Variants in CMSS1 observed in about 807,000 individuals in gnomAD.
CMSS1 encodes the protein protein CMSS1.
Under a neutral mutation model 43.5 loss-of-function variants are expected in CMSS1, and 33 were observed. The ratio of observed to expected loss-of-function variants is 0.76; its 90% confidence interval spans 0.57 to 1.01. The LOEUF is 1.01. CMSS1 is among the 50% of genes least tolerant of loss of function. The pLI, the probability that CMSS1 is intolerant of heterozygous loss-of-function variation, is 0.00. For missense variants in CMSS1, 313 were observed against 326.4 expected (o/e 0.96, Z 0.32); for synonymous variants, 115 against 117.2 (o/e 0.98, Z 0.12).
chr3:99,912,482 A>G (rs372045242), intron 1 of CMSS1, among the ~76,000 whole-genome samples: 6 of 152,128 alleles, frequency 3.9e-5, no homozygotes, highest in African/African-American at 1.4e-4. Flanking sequence ...GACTCAGGTG[A>G]TCCTCCTACC....
intron 1 of CMSS1, among the ~76,000 whole-genome samples, chr3:100,068,350 CTGTGTGTG>C (rs62958661): frequency 9.1e-4 from 136 of 149,504 alleles, no homozygotes; most frequent in African/African-American, 2.5e-3. Flanking sequence ...GAAAGAGCCT[CTGTGTGTG>C]TGTGTGTGTG....
intron 1 of CMSS1, among the ~76,000 whole-genome samples, chr3:100,083,884 C>T (rs939106907): frequency 1.3e-5 from 2 of 152,018 alleles, no homozygotes; most frequent in African/African-American, 4.8e-5. Context: ...TGATTCTTGC[C>T]ATTGGAAGTT....
intron 1 of CMSS1, chr3:100,114,255 G>C (rs1216292082): frequency 6.6e-6 from 1 of 151,676 alleles, no homozygotes; most frequent in Non-Finnish European, 1.5e-5. Flanking sequence ...AGGAGAGGCA[G>C]TGGGGAGCCC....
intron 1 of CMSS1, among the ~76,000 whole-genome samples, chr3:99,922,438 C>A (rs1010027221): frequency 6.6e-6 from 1 of 152,136 alleles, no homozygotes; most frequent in Non-Finnish European, 1.5e-5. Flanking sequence ...TTCCCCTGCC[C>A]CCTCTCTGCC....
chr3:100,111,335 C>T (rs114804534), intron 1 of CMSS1, among the ~76,000 whole-genome samples: 1 of 152,076 alleles, frequency 6.6e-6, no homozygotes, highest in Non-Finnish European at 1.5e-5. Flanking sequence ...TTTTCTAGAA[C>T]TTTATTTAAG....
chr3:100,020,698 C>T (rs940719812), intron 1 of CMSS1, among the ~76,000 whole-genome samples: 2 of 148,610 alleles, frequency 1.3e-5, no homozygotes, highest in African/African-American at 2.5e-5. Flanking sequence ...AATTGCAAAG[C>T]GAGTATACAT....
At chr3:99,854,338 C>CA (rs1211169617) in intron 1 of CMSS1, among the ~76,000 whole-genome samples, 1 of 152,162 alleles carries the variant, frequency 6.6e-6, no homozygotes, top group African/African-American at 2.4e-5. Flanking sequence ...TTATCATGAA[C>CA]TCTCGGTTTG....
chr3:99,923,219 A>T lies in CMSS1; in HGVS notation c.64+105176A>T, dbSNP rs138938354. On this transcript the variant is annotated intron_variant, in intron 1 of 9. Coordinates refer to ENST00000421999, the MANE Select transcript of CMSS1 (RefSeq NM_032359.4). ...CACACCAACACCCACAGTTTCAGCTATCACCTGCTGCAGGTCCATATCACC... is the reference window on the plus strand; with the variant it reads ...CACACCAACACCCACAGTTTCAGCTTTCACCTGCTGCAGGTCCATATCACC... Among the ~76,000 whole-genome samples, 100 of 152,216 alleles carry T rather than the reference A, an allele frequency of 6.6e-4. 3 individuals are homozygous for T. The East Asian group carries it at 0.017, about 25-fold the overall frequency.
intron 1 of CMSS1, among the ~76,000 whole-genome samples, chr3:100,125,857 T>C (rs1332103664): frequency 6.6e-6 from 1 of 152,160 alleles, no homozygotes; most frequent in Non-Finnish European, 1.5e-5. Context: ...CCAGTGTAAA[T>C]AAACTCTAGC....
Position 100,176,410 on chromosome 3 carries a change from C to G in CMSS1, c.751C>G (p.Pro251Ala), listed in dbSNP as rs1181275646. ...GAAGTTGAGGAGAATGATGGACATTCCCGAGGTACCACGTAACCAGCAGTT... is the reference window on the plus strand; with the variant it reads ...GAAGTTGAGGAGAATGATGGACATTGCCGAGGTACCACGTAACCAGCAGTT... ...DQKLRRMMDI[P>A]EIRKEVFELL... The change falls in exon 9 of 10, where the codon CCC (proline) becomes GCC (alanine). Residue 251 changes from proline to alanine, a missense_variant. Physicochemically the swap from Pro to Ala is conservative, Grantham distance 27. Transcript: ENST00000421999. 6 of 1,608,202 alleles carry G rather than the reference C, an allele frequency of 3.7e-6. No individual in the cohort carries two copies. Among genetic ancestry groups the G allele is most frequent in the Non-Finnish European group, 4.3e-6 (5 of 1,175,122 alleles).
intron 1 of CMSS1, among the ~76,000 whole-genome samples, chr3:100,085,039 T>C (rs1300690772): frequency 6.6e-6 from 1 of 152,224 alleles, no homozygotes; most frequent in Non-Finnish European, 1.5e-5. Flanking sequence ...AATATGTATG[T>C]ATGGTACAGA....
At chr3:99,983,391 T>TAAATAAATAAATAA (rs1249848576) in intron 1 of CMSS1, among the ~76,000 whole-genome samples, 19 of 16,090 alleles carry the variant, frequency 1.2e-3, no homozygotes, top group African/African-American at 1.8e-3. Flanking sequence ...AATAAATAAA[T>TAAATAAATAAATAA]ATATATATAT....
intron 1 of CMSS1, among the ~76,000 whole-genome samples, chr3:100,039,068 A>G (rs2065158080): frequency 2.0e-5 from 3 of 152,232 alleles, no homozygotes; most frequent in African/African-American, 7.2e-5. Context: ...AAAAACTCCT[A>G]AATTTAATGC....
At chr3:99,870,676 TA>T (rs922280806) in intron 1 of CMSS1, among the ~76,000 whole-genome samples, 4 of 152,222 alleles carry the variant, frequency 2.6e-5, no homozygotes, top group Admixed American at 2.6e-4. Flanking sequence ...AGGAGAATTA[TA>T]AGCCCTAGGC....
At chr3:99,860,641 G>C (rs1049981152) in intron 1 of CMSS1, among the ~76,000 whole-genome samples, 1 of 152,096 alleles carries the variant, frequency 6.6e-6, no homozygotes, top group Non-Finnish European at 1.5e-5. Context: ...CATGATTCTG[G>C]GCTAGAAAAG....
chr3:99,933,540 A>C (rs1174420403), intron 1 of CMSS1, among the ~76,000 whole-genome samples: 1 of 152,140 alleles, frequency 6.6e-6, no homozygotes, highest in Non-Finnish European at 1.5e-5. Flanking sequence ...AAAAATGAAA[A>C]ATTATACATA....
At chr3:99,929,887 TGCCAAGGGGTAGATTTC>T (rs1418436255) in intron 1 of CMSS1, 3 of 1,613,550 alleles carry the variant, frequency 1.9e-6, no homozygotes, top group African/African-American at 2.7e-5. Flanking sequence ...GATGTCCTCC[TGCCAAGGGGTAGATTTC>T]GCTTGAAAAG....
chr3:99,855,258 G>A (rs1479993994), intron 1 of CMSS1, among the ~76,000 whole-genome samples: 3 of 152,062 alleles, frequency 2.0e-5, no homozygotes, highest in Non-Finnish European at 2.9e-5. Flanking sequence ...ACATTTCTGG[G>A]GAACAAAATG....
chr3:100,003,316 C>A (rs1440261954), intron 1 of CMSS1, among the ~76,000 whole-genome samples: 1 of 152,202 alleles, frequency 6.6e-6, no homozygotes, highest in East Asian at 1.9e-4. Context: ...CAGTGTAGTG[C>A]AGTAAATACT....
Sources: allele counts gnomAD v4.1 joint callset (sites outside exome capture counted in the v4.1 genomes callset), GRCh38; gene constraint gnomAD v4.1.1; transcripts MANE v1.5; gene names NCBI Gene and HGNC (gene_info 2026-07-23, HGNC 2026-07-21).